TDP2: variants seen among roughly 807,000 people sequenced by gnomAD.
TDP2 encodes the protein 5'-Tyr-DNA phosphodiesterase.
TDP2 carries 38 observed loss-of-function variants against 42.8 expected under a neutral mutation model. The observed-to-expected ratio is 0.89, with a 90% confidence interval of 0.68 to 1.16. The LOEUF (loss-of-function observed/expected upper bound fraction) is 1.16, where lower values mean the gene tolerates loss of function less well. Ranked by LOEUF, TDP2 falls within the 50% of genes most tolerant of loss-of-function variation. TDP2 has a pLI of 0.00. For synonymous variants in TDP2, 173 were observed against 150.6 expected (o/e 1.15, Z -1.09); for missense variants, 439 against 439.3 (o/e 1.00, Z 0.01).
At chr6:24,655,339 G>A (rs377745905) in intron 4 of TDP2, among the ~76,000 whole-genome samples, 2 of 152,136 alleles carry the variant, frequency 1.3e-5, no homozygotes, top group South Asian at 2.1e-4. Flanking sequence ...AGTGGTAACC[G>A]GTTTATCAGA....
intron 4 of TDP2, among the ~76,000 whole-genome samples, chr6:24,655,668 G>C (rs991659415): frequency 1.3e-5 from 2 of 152,152 alleles, no homozygotes; most frequent in African/African-American, 4.8e-5. Flanking sequence ...CGGCTGATAG[G>C]TGAATAGGTT....
chr6:24,661,760 C>T (rs766658855), intron 2 of TDP2, among the ~76,000 whole-genome samples: 7 of 152,112 alleles, frequency 4.6e-5, no homozygotes, highest in Non-Finnish European at 1.0e-4. Flanking sequence ...GAATTTCATC[C>T]TACCCAAAAG....
At chr6:24,652,624 A>C (rs763261604) in intron 6 of TDP2, among the ~76,000 whole-genome samples, 1 of 152,166 alleles carries the variant, frequency 6.6e-6, no homozygotes, top group Non-Finnish European at 1.5e-5. Context: ...ATCACGGTCC[A>C]ATCTTTCCAT....
At chr6:24,658,276 AGC>A (rs1347593277) in intron 3 of TDP2, among the ~76,000 whole-genome samples, 1 of 152,242 alleles carries the variant, frequency 6.6e-6, no homozygotes, top group African/African-American at 2.4e-5. Flanking sequence ...TCACAGAGCC[AGC>A]ATGGGGCACA....
At chr6:24,653,256 A>G (rs1310746280) in intron 5 of TDP2, 103 bp from the exon 6 acceptor site, 1 of 1,181,936 alleles carries the variant, frequency 8.5e-7, no homozygotes, top group African/African-American at 1.5e-5. Context: ...TATATTTACT[A>G]AACTGAAACT....
chr6:24,653,216 A>G (rs532261526), intron 5 of TDP2, 63 bp from the exon 6 acceptor site: 3 of 1,505,460 alleles, frequency 2.0e-6, no homozygotes, highest in East Asian at 2.3e-5. Context: ...CTTTAATAAT[A>G]AAATCAGCAG....
intron 4 of TDP2, 64 bp downstream of exon 4, chr6:24,657,748 G>A: frequency 1.0e-6 from 1 of 953,834 alleles, no homozygotes; most frequent in South Asian, 1.6e-5. Flanking sequence ...GACCAACTTT[G>A]ATTTATCTCT....
At chr6:24,663,942 T>A (rs1778192979) in intron 2 of TDP2, among the ~76,000 whole-genome samples, 1 of 152,224 alleles carries the variant, frequency 6.6e-6, no homozygotes, top group Non-Finnish European at 1.5e-5. Flanking sequence ...GTATTAAAAA[T>A]TTCCTTTTGG....
At chr6:24,659,783 A>G (rs2127618175) in intron 2 of TDP2, among the ~76,000 whole-genome samples, 1 of 152,324 alleles carries the variant, frequency 6.6e-6, no homozygotes, top group African/African-American at 2.4e-5. Flanking sequence ...TAGCTTGCTT[A>G]CTACAGGGAA....
In TDP2 at chr6:24,666,081, T is replaced by C. The variant is rs528274877; in HGVS notation, c.251+445A>G. On this transcript the variant is annotated intron_variant, in intron 2 of 6. Transcript: ENST00000378198. ...GAGAGGGGCACTGAAATAACAGGAG[T>C]AGGTGTGCATTAAAAAAAAATAACA... is the stretch of plus-strand genomic sequence containing the variant. 6.6e-4 allele frequency: 1,010 copies of C among 1,533,946 alleles called. 1 individual carries two copies. The highest frequency in any genetic ancestry group is 8.5e-4 in the Non-Finnish European group (971 of 1,141,526).
intron 2 of TDP2, 31 bp downstream of exon 2, chr6:24,666,495 C>T (rs772782727): frequency 1.2e-6 from 2 of 1,605,612 alleles, no homozygotes; most frequent in Admixed American, 1.7e-5. Context: ...TGCCTCCGTG[C>T]GGACTGGCTC....
At chr6:24,651,839 G>A (rs974134294) in intron 6 of TDP2, among the ~76,000 whole-genome samples, 7 of 152,100 alleles carry the variant, frequency 4.6e-5, no homozygotes, top group African/African-American at 9.7e-5. Flanking sequence ...TGCCCACCTC[G>A]GCCTCCCAAA....
In TDP2 at chr6:24,650,991, T is replaced by C. The variant is rs1777964455; in HGVS notation, c.886A>G (p.Thr296Ala). 2 of 1,614,158 alleles carry C rather than the reference T, an allele frequency of 1.2e-6. No homozygotes were observed. The highest frequency in any genetic ancestry group is 2.2e-5 in the East Asian group (1 of 44,872). The change falls in exon 7 of 7, where the codon ACA becomes GCA. Residue 296 changes from threonine (T) to alanine (A), a missense_variant. Thr to Ala is a moderately conservative substitution (Grantham distance 58). Transcript: ENST00000378198. ...TTAGAGTTCATTTGTGTATCCCATG[T>C]ATACTGGCAATGTTTAGGTTTGCCC... ...FLGKPKHCQY[T>A]WDTQMNSNLG...
chr6:24,663,526 T>A (rs1778186818), intron 2 of TDP2, among the ~76,000 whole-genome samples: 1 of 152,186 alleles, frequency 6.6e-6, no homozygotes, highest in East Asian at 1.9e-4. Flanking sequence ...TGAGATATAA[T>A]CCGTAATGTT....
At chr6:24,654,569 TGA>T in intron 4 of TDP2, 39 bp from the exon 5 acceptor site, 3 of 1,114,434 alleles carry the variant, frequency 2.7e-6, no homozygotes, top group Middle Eastern at 2.0e-4. Context: ...GCTGAGAAGG[TGA>T]GAGTTATTTT....
At chr6:24,656,014 T>TC (rs1199314140) in intron 4 of TDP2, among the ~76,000 whole-genome samples, 1 of 152,068 alleles carries the variant, frequency 6.6e-6, no homozygotes, top group Non-Finnish European at 1.5e-5. Flanking sequence ...AAGCCAAGGA[T>TC]CCCTACATAT....
rs1001662438 is a variant in TDP2 at position 24,666,837 on chromosome 6, C to G, written c.26G>C (p.Gly9Ala). 2 of 1,614,090 alleles carry G rather than the reference C, an allele frequency of 1.2e-6. No individual in the cohort carries two copies. Among genetic ancestry groups the G allele is most frequent in the Non-Finnish European group, 1.7e-6 (2 of 1,180,046 alleles). The change falls in exon 1 of 7, where the codon GGC (glycine) becomes GCC (alanine). Residue 9 changes from glycine to alanine, a missense_variant. Transcript: ENST00000378198. ...CTCTTCCTCCGCCGCCTCCCTCCCG[C>G]CCTCCAGGCAACTCCCCAACTCCAT... MELGSCLE[G>A]GREAAEEEGE...
In TDP2 at chr6:24,666,597, G is replaced by A. The variant is rs190332937; in HGVS notation, c.180C>T (p.Ser60=). 7.9e-5 allele frequency: 127 copies of A among 1,614,222 alleles called. No individual in the cohort carries two copies. In the East Asian group the frequency reaches 2.5e-3, roughly 32 times the overall value. The change falls in exon 2 of 7, where the codon TCC becomes TCT. Residue 60 remains serine, a synonymous_variant. Transcript: ENST00000378198. ...TCTCCTCCACCGGAGGCTCGAAGTA[G>A]GAGTTCAGAGCCCTCTGAAAAACAA... is the stretch of plus-strand genomic sequence containing the variant. ...NDWEMERALN[S]YFEPPVEESA... is the part of the protein sequence containing the mutation.
At chr6:24,658,245 A>C (rs1422111545) in intron 3 of TDP2, among the ~76,000 whole-genome samples, 1 of 152,242 alleles carries the variant, frequency 6.6e-6, no homozygotes, top group Non-Finnish European at 1.5e-5. Flanking sequence ...TGTCCAGAGA[A>C]CTTAAGTGAT....
Sources: gnomAD v4.1 joint callset for allele counts (sites outside exome capture counted in the v4.1 genomes callset) on GRCh38, gnomAD v4.1.1 for gene constraint, MANE v1.5 for transcripts, NCBI Gene and HGNC (gene_info 2026-07-23, HGNC 2026-07-21) for gene names.